The following SPECC1 variants were observed in gnomAD, a reference collection of about 807,000 sequenced individuals.
SPECC1 encodes cytospin-B.
SPECC1 carries 62 observed loss-of-function variants against 104.1 expected under a neutral mutation model. The ratio of observed to expected loss-of-function variants is 0.60; its 90% CI spans 0.49 to 0.74. SPECC1 has a LOEUF of 0.74. SPECC1 is among the 30% of genes least tolerant of loss of function. The pLI, the probability that SPECC1 is intolerant of heterozygous loss-of-function variation, is 0.00. For synonymous variants in SPECC1, 513 were observed against 501.6 expected (o/e 1.02, Z -0.30); for missense variants, 1,306 against 1,310.5 (o/e 1.00, Z 0.05).
At chr17:20,214,620 G>T (rs1417015434) in intron 4 of SPECC1, among the ~76,000 whole-genome samples, 2 of 152,160 alleles carry the variant, frequency 1.3e-5, no homozygotes, top group Non-Finnish European at 2.9e-5. Flanking sequence ...CGATTCTCCT[G>T]CCTCAGCCTC....
intron 2 of SPECC1, among the ~76,000 whole-genome samples, chr17:20,106,911 C>T (rs916601041): frequency 6.6e-6 from 1 of 151,920 alleles, no homozygotes; most frequent in Non-Finnish European, 1.5e-5. Flanking sequence ...AATCCTAGCA[C>T]TTTGGGAGGC....
chr17:20,076,185 A>G (rs774100864), intron 1 of SPECC1, among the ~76,000 whole-genome samples: 3 of 152,222 alleles, frequency 2.0e-5, no homozygotes, highest in Non-Finnish European at 4.4e-5. Context: ...AAATTGTTAC[A>G]TAGTTTCACA....
chr17:20,060,696 C>T (rs2046153934), intron 1 of SPECC1, among the ~76,000 whole-genome samples: 1 of 152,130 alleles, frequency 6.6e-6, no homozygotes, highest in African/African-American at 2.4e-5. Flanking sequence ...AGTTTAGTTC[C>T]AGTCAATAGT....
At chr17:20,256,038 C>T (rs1239495772) in intron 10 of SPECC1, among the ~76,000 whole-genome samples, 2 of 151,904 alleles carry the variant, frequency 1.3e-5, no homozygotes, top group African/African-American at 2.4e-5. Flanking sequence ...CCACCATGCC[C>T]GGCTAATTTT....
chr17:20,239,049 G>A (rs1218339006), intron 7 of SPECC1: 2 of 1,033,128 alleles, frequency 1.9e-6, no homozygotes, highest in African/African-American at 1.7e-5. Context: ...TTGTAAATAG[G>A]AGGTTGACAT....
At chr17:20,081,395 G>T (rs1487842887) in intron 1 of SPECC1, among the ~76,000 whole-genome samples, 1 of 151,886 alleles carries the variant, frequency 6.6e-6, no homozygotes, top group Admixed American at 6.6e-5. Flanking sequence ...TTTGGGCCTG[G>T]TTTTTTTTCC....
At chr17:20,242,754 C>T (rs972990537) in intron 7 of SPECC1, among the ~76,000 whole-genome samples, 1 of 152,268 alleles carries the variant, frequency 6.6e-6, no homozygotes, top group East Asian at 1.9e-4. Flanking sequence ...ATTCATGAAT[C>T]ATGTGACCAT....
Position 20,096,693 on chromosome 17 carries a change from A to C in SPECC1, c.42A>C (p.Ala14=). The change falls in exon 2 of 15, where the codon GCA becomes GCC. Residue 14 remains alanine (A), a synonymous_variant. Coordinates refer to ENST00000395527, the MANE Select transcript of SPECC1 (RefSeq NM_001243439.2). ...AGCCCTGGAACCCAGCCATCAGAGC[A>C]GGGGGCCACGGCCCAGACCGGGTGC... ...AAKPWNPAIR[A]GGHGPDRVRP... 11 of 1,614,212 alleles carry C rather than the reference A, an allele frequency of 6.8e-6. No individual in the cohort carries two copies. The highest frequency in any genetic ancestry group is 9.3e-6 in the Non-Finnish European group (11 of 1,180,020).
chr17:20,163,919 A>G (rs1331065979), intron 3 of SPECC1, among the ~76,000 whole-genome samples: 2 of 152,232 alleles, frequency 1.3e-5, no homozygotes, highest in African/African-American at 2.4e-5. Flanking sequence ...ATTTAAAATT[A>G]CAAATTAATT....
intron 12 of SPECC1, among the ~76,000 whole-genome samples, chr17:20,286,813 A>G (rs2040963366): frequency 6.6e-6 from 1 of 152,186 alleles, no homozygotes; most frequent in South Asian, 2.1e-4. Context: ...CCAGGGCTGG[A>G]TGCTTTTCCA....
At chr17:20,269,409 T>A (rs1284423663) in intron 12 of SPECC1, among the ~76,000 whole-genome samples, 4 of 152,208 alleles carry the variant, frequency 2.6e-5, no homozygotes, top group Non-Finnish European at 5.9e-5. Flanking sequence ...GCTGAGTCCC[T>A]AGTGAGCTTC....
At chr17:20,203,564 A>G (rs762696587) in intron 3 of SPECC1, among the ~76,000 whole-genome samples, 1 of 152,202 alleles carries the variant, frequency 6.6e-6, no homozygotes, top group Admixed American at 6.5e-5. Context: ...CATCATTTCC[A>G]CTTACGGCAA....
chr17:20,233,395 T>C (rs1233182103), intron 7 of SPECC1, among the ~76,000 whole-genome samples: 1 of 152,234 alleles, frequency 6.6e-6, no homozygotes, highest in East Asian at 1.9e-4. Flanking sequence ...CAGCTGTGAT[T>C]CTCCTGTCAA....
intron 3 of SPECC1, among the ~76,000 whole-genome samples, chr17:20,153,956 A>G (rs1353108871): frequency 6.6e-6 from 1 of 152,186 alleles, no homozygotes; most frequent in Non-Finnish European, 1.5e-5. Flanking sequence ...TTTCCTTAGT[A>G]TATTTGCTTG....
At chr17:20,306,740 T>A (rs1207241522) in intron 14 of SPECC1, among the ~76,000 whole-genome samples, 1 of 151,976 alleles carries the variant, frequency 6.6e-6, no homozygotes, top group Non-Finnish European at 1.5e-5. Context: ...AGGTTTAGAG[T>A]CCAAATTTAT....
rs1414084111 is a variant in SPECC1 at position 20,009,783 on chromosome 17, G to T, written c.-22+359G>T. On this transcript the variant is annotated intron_variant, in intron 1 of 14. Transcript: ENST00000395527. This position sits in a 1 kb window ranked among gnomAD's most constrained non-coding sequence, Gnocchi z 5.2. ...TCCCGACAGCTGCGGCCCTGGAGGC[G>T]ACCCCAGCCCTCGCCGCAGTGGGAC... 9.2e-5 allele frequency: 14 copies of T among 152,246 alleles called. 1 individual carries two copies. The highest frequency in any genetic ancestry group is 1.5e-5 in the Non-Finnish European group (1 of 68,088). 9.4% of individuals were successfully genotyped at this position (152,246 alleles called of 1,614,324 possible).
At chr17:20,162,968 C>A (rs151279839) in intron 3 of SPECC1, among the ~76,000 whole-genome samples, 11 of 152,134 alleles carry the variant, frequency 7.2e-5, no homozygotes, top group African/African-American at 2.7e-4. Context: ...GCGGAGGTTG[C>A]GGTGAGCCAA....
intron 12 of SPECC1, among the ~76,000 whole-genome samples, chr17:20,279,057 T>G (rs1216898015): frequency 3.9e-5 from 6 of 152,140 alleles, no homozygotes; most frequent in African/African-American, 9.7e-5. Flanking sequence ...CATCATCTTG[T>G]CACCATTCAG....
At chr17:20,075,772 C>T (rs984417906) in intron 1 of SPECC1, among the ~76,000 whole-genome samples, 2 of 151,986 alleles carry the variant, frequency 1.3e-5, no homozygotes, top group Non-Finnish European at 2.9e-5. Context: ...ATAGTGATAC[C>T]TCATCTTTAC....
Sources: gnomAD v4.1 joint callset for allele counts (sites outside exome capture counted in the v4.1 genomes callset) on GRCh38, gnomAD v4.1.1 for gene constraint, Gnocchi (gnomAD v3.1) non-coding constraint, MANE v1.5 for transcripts, NCBI Gene and HGNC (gene_info 2026-07-23, HGNC 2026-07-21) for gene names.